OPA1: variants seen among roughly 807,000 people sequenced by gnomAD.
The protein encoded by OPA1 is dynamin-like GTPase OPA1, mitochondrial.
A neutral mutation model predicts 152.9 loss-of-function variants in OPA1; 59 were observed. The ratio of observed to expected loss-of-function variants is 0.39; its 90% CI spans 0.31 to 0.48. The LOEUF (loss-of-function observed/expected upper bound fraction) is 0.48. OPA1 is among the 20% of genes least tolerant of loss of function. The pLI is 0.96. For missense variants in OPA1, 1,008 were observed against 1,216.8 expected (o/e 0.83, Z 2.55); for synonymous variants, 400 against 389.9 (o/e 1.03, Z -0.31).
intron 1 of OPA1, among the ~76,000 whole-genome samples, chr3:193,598,925 A>G (rs920357798): frequency 6.6e-6 from 1 of 152,198 alleles, no homozygotes; most frequent in African/African-American, 2.4e-5. Flanking sequence ...ACGTTGTGGA[A>G]CCATGAGCTC....
intron 5 of OPA1, 27 bp from the exon 6 acceptor site, chr3:193,618,842 G>A: frequency 6.3e-7 from 1 of 1,586,762 alleles, no homozygotes; most frequent in South Asian, 1.1e-5. Flanking sequence ...ACTGGAGAAT[G>A]TAAAGGGTTG....
In OPA1 at chr3:193,615,740, G is replaced by T. The variant is rs948720639; in HGVS notation, c.418G>T (p.Val140Leu). ...SEYKWIVPDI[V>L]WEIDEYIDFE... ...ATATAAATGGATTGTGCCTGACATT[G>T]TGTGGGAAATTGATGAGTATATCGA... Residue 140 changes from valine to leucine, a missense_variant, in exon 3 of 31, where the codon GTG becomes TTG. Val to Leu is a conservative substitution (Grantham distance 32, BLOSUM62 1). This residue lies in a region of OPA1 where 408 missense variants were observed against 395.1 expected (regional missense o/e 1.03). Coordinates refer to ENST00000361510, the MANE Select transcript of OPA1 (RefSeq NM_130837.3). 6 of 1,611,920 alleles carry T rather than the reference G, an allele frequency of 3.7e-6. No homozygotes were observed. In the East Asian group the frequency reaches 1.3e-4, roughly 36 times the overall value.
At chr3:193,610,258 A>G (rs1319135371) in intron 1 of OPA1, among the ~76,000 whole-genome samples, 3 of 152,230 alleles carry the variant, frequency 2.0e-5, no homozygotes, top group Non-Finnish European at 2.9e-5. Context: ...TCTAACAGTC[A>G]GGACCCTCAG....
At chr3:193,663,100 C>T in intron 26 of OPA1, 138 bp downstream of exon 26, 6 of 803,578 alleles carry the variant, frequency 7.5e-6, no homozygotes, top group Non-Finnish European at 1.2e-5. Flanking sequence ...ACAGTAAAAG[C>T]TTAGTCATTT....
intron 9 of OPA1, 67 bp downstream of exon 9, chr3:193,635,589 A>G (rs780276161): frequency 3.5e-5 from 31 of 898,000 alleles, no homozygotes; most frequent in Non-Finnish European, 5.5e-5. Flanking sequence ...CATCAGTACC[A>G]GTTTCTAAGG....
At chr3:193,674,535 T>C (rs1718570539) in intron 29 of OPA1, among the ~76,000 whole-genome samples, 1 of 152,238 alleles carries the variant, frequency 6.6e-6, no homozygotes, top group African/African-American at 2.4e-5. Flanking sequence ...AAAAAGATTC[T>C]TTCACTGAAT....
chr3:193,644,422 T>C (rs1318679879), intron 16 of OPA1, among the ~76,000 whole-genome samples: 2 of 152,140 alleles, frequency 1.3e-5, no homozygotes, highest in Admixed American at 6.5e-5. Flanking sequence ...TTCGGCACCC[T>C]CATGTACCAA....
chr3:193,638,871 T>C (rs1311230526), intron 11 of OPA1, among the ~76,000 whole-genome samples: 8 of 152,224 alleles, frequency 5.3e-5, no homozygotes. Flanking sequence ...AAAATAATCA[T>C]AAAAGTGAAG....
chr3:193,621,812 A>C (rs149091884), intron 6 of OPA1, among the ~76,000 whole-genome samples: 1 of 152,212 alleles, frequency 6.6e-6, no homozygotes. Flanking sequence ...GGAGACCTTC[A>C]GAACTACCTG....
chr3:193,637,343 A>T (rs1028712447), intron 10 of OPA1, 62 bp downstream of exon 10: 73 of 1,000,926 alleles, frequency 7.3e-5, no homozygotes, highest in Non-Finnish European at 1.1e-4. Context: ...TTAGCTTCCT[A>T]AAAATTATGT....
At chr3:193,672,320 A>T (rs939717280) in intron 29 of OPA1, among the ~76,000 whole-genome samples, 1 of 152,202 alleles carries the variant, frequency 6.6e-6, no homozygotes, top group Non-Finnish European at 1.5e-5. Flanking sequence ...CTGGGCATCA[A>T]TAACAATTGG....
intron 29 of OPA1, among the ~76,000 whole-genome samples, chr3:193,688,444 C>CTTTTTTTTTTTTTTTTTTTTTTT (rs1560079327): frequency 2.6e-5 from 1 of 38,520 alleles, no homozygotes. Context: ...TGAAATGGGT[C>CTTTTTTTTTTTTTTTTTTTTTTT]TTTTCTTTTT....
At chr3:193,676,946 A>G (rs937836392) in intron 29 of OPA1, among the ~76,000 whole-genome samples, 3 of 138,852 alleles carry the variant, frequency 2.2e-5, no homozygotes, top group South Asian at 2.3e-4. Flanking sequence ...GCGCCACTGC[A>G]CTCCAGCCTG....
intron 7 of OPA1, among the ~76,000 whole-genome samples, chr3:193,629,785 A>T (rs1331054065): frequency 6.6e-6 from 1 of 152,190 alleles, no homozygotes; most frequent in Non-Finnish European, 1.5e-5. Context: ...GCTTATACTA[A>T]ACATCCTAAC....
rs111329916 is a variant in OPA1, at chr3:193,682,062, G to A, written c.2984-10001G>A. Among the ~76,000 whole-genome samples, 278 of 152,336 alleles carry A rather than the reference G, an allele frequency of 1.8e-3. 3 individuals carry two copies. The highest frequency in any genetic ancestry group is 0.011 in the South Asian group (55 of 4,832). The stretch of plus-strand genomic sequence containing the variant: ...GCCAAAATGGGCTATTAGCCAAATT[G>A]TGAATGCAAAAGAAAAGTTCTTGAA... On this transcript the variant is annotated intron_variant, in intron 29 of 30. Transcript: ENST00000361510.
chr3:193,618,148 T>C (rs1273408319), intron 5 of OPA1, among the ~76,000 whole-genome samples: 2 of 152,210 alleles, frequency 1.3e-5, no homozygotes, highest in African/African-American at 4.8e-5. Flanking sequence ...AAAGTAATTT[T>C]AGTTTGTCTC....
intron 6 of OPA1, among the ~76,000 whole-genome samples, chr3:193,623,110 C>A (rs1350468437): frequency 2.0e-5 from 3 of 152,168 alleles, no homozygotes; most frequent in African/African-American, 7.2e-5. Flanking sequence ...GATTCGATGT[C>A]TTTTGAGGAC....
intron 21 of OPA1, among the ~76,000 whole-genome samples, chr3:193,651,889 A>C (rs145521886): frequency 1.0e-3 from 149 of 146,702 alleles, no homozygotes; most frequent in African/African-American, 3.6e-3. Flanking sequence ...ATGGAGTATA[A>C]TAGTCCTCTA....
intron 1 of OPA1, among the ~76,000 whole-genome samples, chr3:193,596,524 G>A (rs759846866): frequency 2.0e-5 from 3 of 151,646 alleles, no homozygotes; most frequent in Admixed American, 6.6e-5. Context: ...ACAGGCGTGC[G>A]CCACTGCATT....
Sources: gnomAD v4.1 joint callset for allele counts (sites outside exome capture counted in the v4.1 genomes callset) on GRCh38, gnomAD v4.1.1 for gene constraint, gnomAD v4.1.1 regional missense constraint, MANE v1.5 for transcripts, NCBI Gene and HGNC (gene_info 2026-07-23, HGNC 2026-07-21) for gene names.